PLXNC1: variants seen among roughly 807,000 people sequenced by gnomAD.
PLXNC1 encodes the protein plexin C1, also known as plexin-C1.
In PLXNC1, 75 loss-of-function variants were observed where a neutral mutation model predicts 178.2. The ratio of observed to expected loss-of-function variants is 0.42; its 90% CI spans 0.35 to 0.51. The LOEUF (loss-of-function observed/expected upper bound fraction) is 0.51. Among genes scored for constraint, PLXNC1 ranks in the 20% least tolerant of loss-of-function variants. The probability of loss-of-function intolerance (pLI) is 0.02; values close to 1 mark genes in which losing one functional copy is unlikely to be tolerated. For synonymous variants in PLXNC1, 790 were observed against 779.9 expected, an observed-to-expected ratio of 1.01 and a Z score of -0.22; for missense variants, 1,503 against 1,984.4, an observed-to-expected ratio of 0.76 and a Z score of 4.61.
At chr12:94,202,732 G>A (rs564738408) in intron 4 of PLXNC1, among the ~76,000 whole-genome samples, 9 of 152,308 alleles carry the variant, frequency 5.9e-5, no homozygotes, top group Admixed American at 1.3e-4. Context: ...GAGGCACTAT[G>A]GAATAGATAC....
intron 5 of PLXNC1, among the ~76,000 whole-genome samples, chr12:94,214,407 T>A (rs1421994693): frequency 6.6e-6 from 1 of 152,164 alleles, no homozygotes; most frequent in Non-Finnish European, 1.5e-5. Context: ...CTTTTACAAA[T>A]CAGAACTAAA....
At chr12:94,287,742 C>T (rs1325659973) in intron 23 of PLXNC1, among the ~76,000 whole-genome samples, 2 of 152,186 alleles carry the variant, frequency 1.3e-5, no homozygotes, top group East Asian at 3.8e-4. Context: ...CTGGTCAAGT[C>T]CATCATCTGT....
At position 94,148,901 on chromosome 12, in the gene PLXNC1, G is replaced by A. The variant is rs1213708569; in HGVS notation, c.-71G>A. On this transcript the variant is annotated 5_prime_UTR_variant, in exon 1 of 31. Transcript: ENST00000258526. This position sits in a 1 kb window ranked among gnomAD's most constrained non-coding sequence, Gnocchi z 4.8. ...AGGAACCGCCGCCGCCGCCGCCCGC[G>A]TCTCCGTTGCCGCGCGCCTGAGCCG... The A allele has an allele frequency of 9.6e-6, 4 of 417,856 alleles. No individual in the cohort carries two copies. The East Asian group carries it at 4.5e-4, about 47-fold the overall frequency. The allele number at this position is 417,856 out of a possible 1,614,324, so 25.9% of individuals were successfully genotyped here. A position where few individuals can be genotyped will look rare whatever the true frequency, so the allele number is the denominator to read the frequency against.
chr12:94,253,350 C>T (rs1400440578), intron 15 of PLXNC1, among the ~76,000 whole-genome samples: 4 of 151,950 alleles, frequency 2.6e-5, no homozygotes, highest in African/African-American at 9.7e-5. Flanking sequence ...CTCATTCATC[C>T]CTGCATCTAT....
chr12:94,280,782 C>T (rs1966380609), intron 22 of PLXNC1, among the ~76,000 whole-genome samples: 2 of 152,244 alleles, frequency 1.3e-5, no homozygotes, highest in South Asian at 4.1e-4. Context: ...CCCCGCCCGA[C>T]AGTCTTGGTC....
intron 23 of PLXNC1, among the ~76,000 whole-genome samples, chr12:94,289,787 T>C (rs1403176882): frequency 1.3e-5 from 2 of 152,172 alleles, no homozygotes; most frequent in Non-Finnish European, 2.9e-5. Flanking sequence ...AAGTGTCACA[T>C]GGGGGAAATG....
chr12:94,238,311 T>C (rs1964294086), intron 10 of PLXNC1, among the ~76,000 whole-genome samples: 1 of 152,214 alleles, frequency 6.6e-6, no homozygotes, highest in African/African-American at 2.4e-5. Context: ...AAAATTAAAT[T>C]ACTACTACAT....
At position 94,252,636 on chromosome 12, in the gene PLXNC1, C is replaced by T. The variant is rs567664874; in HGVS notation, c.2881+1108C>T. On this transcript the variant is annotated intron_variant, in intron 15 of 30. Coordinates refer to ENST00000258526, the MANE Select transcript of PLXNC1 (RefSeq NM_005761.3). ...AAAATTAGTGATTCACATTTGGAAA[C>T]GTCTCTTGAAAATGTGAAAGATTTG... Among the ~76,000 whole-genome samples, 209 of 152,270 alleles carry T rather than the reference C, an allele frequency of 1.4e-3. 7 individuals are homozygous for T. The highest frequency in any genetic ancestry group is 6.8e-3 in the Middle Eastern group (2 of 294).
chr12:94,275,676 A>G (rs1965884185), intron 21 of PLXNC1, among the ~76,000 whole-genome samples: 1 of 101,522 alleles, frequency 9.9e-6, no homozygotes, highest in Non-Finnish European at 2.0e-5. Context: ...AAACGGTGAA[A>G]CCCCGTCTCT....
intron 1 of PLXNC1, among the ~76,000 whole-genome samples, chr12:94,165,773 C>T (rs1961586068): frequency 6.6e-6 from 1 of 152,058 alleles, no homozygotes; most frequent in Admixed American, 6.5e-5. Flanking sequence ...TTTCTTTCCC[C>T]TGCACCAATC....
rs180769716 is a variant in PLXNC1, at chr12:94,170,506, C to T, written c.1203+1213C>T. Among the ~76,000 whole-genome samples the T allele has an allele frequency of 1.5e-4, 23 of 152,312 alleles. 1 individual carries two copies. The East Asian group carries it at 2.9e-3, about 19-fold the overall frequency. ...ATGCTGTGGCTCAGCTCAAACCCCA[C>T]CTCCTCTTTGATGACATCTAGGCCT... On this transcript the variant is annotated intron_variant, in intron 2 of 30. Coordinates refer to ENST00000258526, the MANE Select transcript of PLXNC1 (RefSeq NM_005761.3).
intron 7 of PLXNC1, among the ~76,000 whole-genome samples, chr12:94,225,097 C>CA (rs1392891825): frequency 6.6e-6 from 1 of 152,162 alleles, no homozygotes; most frequent in Non-Finnish European, 1.5e-5. Flanking sequence ...CTACATAGGC[C>CA]CCTGAGTTAG....
intron 20 of PLXNC1, among the ~76,000 whole-genome samples, chr12:94,264,355 A>G (rs1360865984): frequency 6.6e-6 from 1 of 152,216 alleles, no homozygotes; most frequent in African/African-American, 2.4e-5. Context: ...ATTTGTAGAA[A>G]GAGCCAATCG....
At chr12:94,280,049 C>T (rs938277533) in intron 22 of PLXNC1, 10 of 350,288 alleles carry the variant, frequency 2.9e-5, no homozygotes, top group Non-Finnish European at 5.6e-5. Flanking sequence ...CTGAGCGTGT[C>T]ATTACTGGGT....
intron 1 of PLXNC1, among the ~76,000 whole-genome samples, chr12:94,166,603 A>G (rs1961622438): frequency 2.0e-5 from 3 of 151,536 alleles, no homozygotes; most frequent in Non-Finnish European, 4.4e-5. Context: ...CACCCTGCCA[A>G]TCAGACACAT....
intron 23 of PLXNC1, among the ~76,000 whole-genome samples, chr12:94,286,062 T>C (rs1335163305): frequency 2.6e-5 from 4 of 152,156 alleles, no homozygotes; most frequent in Non-Finnish European, 4.4e-5. Context: ...TCGGGAGAGA[T>C]AGAACATCAG....
intron 20 of PLXNC1, chr12:94,262,527 C>G: frequency 1.0e-6 from 1 of 985,472 alleles, no homozygotes; most frequent in Admixed American, 6.1e-5. Flanking sequence ...CTTCACAGTG[C>G]TGATTCAAGA....
At chr12:94,183,192 A>G (rs1011675471) in intron 3 of PLXNC1, among the ~76,000 whole-genome samples, 4 of 152,336 alleles carry the variant, frequency 2.6e-5, no homozygotes, top group Non-Finnish European at 2.9e-5. Flanking sequence ...ACAGCAATCT[A>G]CATGTGCTTT....
intron 28 of PLXNC1, 66 bp from the exon 29 acceptor site, chr12:94,303,690 C>T (rs1968694992): frequency 9.5e-7 from 1 of 1,055,902 alleles, no homozygotes; most frequent in Non-Finnish European, 1.3e-6. Context: ...TAAATTCCTC[C>T]ATCTTTTTTT....
Sources: allele counts gnomAD v4.1 joint callset (sites outside exome capture counted in the v4.1 genomes callset), GRCh38; gene constraint gnomAD v4.1.1; non-coding constraint Gnocchi (gnomAD v3.1); transcripts MANE v1.5; gene names NCBI Gene and HGNC (gene_info 2026-07-23, HGNC 2026-07-21).